Variants in PLEKHM3 observed in about 807,000 individuals in gnomAD.
PLEKHM3 encodes the protein pleckstrin homology domain containing M3.
PLEKHM3 carries 45 observed loss-of-function variants against 81.8 expected under a neutral mutation model. That is an observed-to-expected ratio of 0.55 (90% CI 0.43 to 0.71). The LOEUF (loss-of-function observed/expected upper bound fraction) is 0.71, where lower values mean the gene tolerates loss of function less well. Ranked by LOEUF, PLEKHM3 falls within the 30% of genes least tolerant of loss-of-function variation. The pLI is 0.00. For missense variants in PLEKHM3, 788 were observed against 924.3 expected, an observed-to-expected ratio of 0.85 and a Z score of 1.91; for synonymous variants, 352 against 356.4, an observed-to-expected ratio of 0.99 and a Z score of 0.14.
intron 7 of PLEKHM3, among the ~76,000 whole-genome samples, chr2:207,841,881 T>C (rs6744032): frequency 0.056 from 8,564 of 152,246 alleles, 574 homozygotes; most frequent in African/African-American, 0.16. Flanking sequence ...TTTGAGAAGT[T>C]AAATTCTATA....
intron 2 of PLEKHM3, among the ~76,000 whole-genome samples, chr2:207,999,372 T>C (rs916889816): frequency 2.0e-5 from 3 of 152,040 alleles, no homozygotes; most frequent in African/African-American, 7.2e-5. Flanking sequence ...CCCAGCTACT[T>C]GGGTGGCTGA....
At chr2:207,860,489 C>G (rs945022284) in intron 7 of PLEKHM3, among the ~76,000 whole-genome samples, 4 of 151,582 alleles carry the variant, frequency 2.6e-5, no homozygotes, top group African/African-American at 7.3e-5. Flanking sequence ...TTCTATTACG[C>G]TTTTGGGATG....
chr2:208,001,088 G>A lies in PLEKHM3; in HGVS notation c.552C>T (p.Thr184=). ...GTGAGGGCAACAGAAAAGATGGCCT[G>A]GTGACATGCGGGCCTTGAAGCAATG... ...QQPLLQGPHV[T]RPSFLLPSPN... Residue 184 remains threonine (T), a synonymous_variant, in exon 2 of 8, where the codon ACC becomes ACT. Coordinates refer to ENST00000427836, the MANE Select transcript of PLEKHM3 (RefSeq NM_001080475.3). 1.9e-6 allele frequency: 3 copies of A among 1,573,974 alleles called. No homozygotes were observed. The highest frequency in any genetic ancestry group is 1.1e-5 in the South Asian group (1 of 87,012).
At chr2:207,957,252 T>C (rs188442084) in intron 3 of PLEKHM3, among the ~76,000 whole-genome samples, 1 of 152,342 alleles carries the variant, frequency 6.6e-6, no homozygotes, top group East Asian at 1.9e-4. Context: ...ATCCCCCTTA[T>C]TGTAAAAATC....
In PLEKHM3 at chr2:207,930,954, C is replaced by G; in HGVS notation, c.1858G>C (p.Ala620Pro). The G allele has an allele frequency of 6.2e-7, 1 of 1,613,404 alleles. No homozygotes were observed. The highest frequency in any genetic ancestry group is 1.3e-5 in the African/African-American group (1 of 75,042). ...CGGCGGAGATCCTCTGCCACCGCTG[C>G]CCGGCAGCTGAACAAATAGGCTCGG... ...SLRAYLFSCR[A>P]AVAEDLRRRI... The change falls in exon 5 of 8, where the codon GCA (alanine) becomes CCA (proline). Residue 620 changes from alanine to proline, a missense_variant. Physicochemically the swap from Ala to Pro is conservative, Grantham distance 27. Transcript: ENST00000427836.
intron 7 of PLEKHM3, among the ~76,000 whole-genome samples, chr2:207,849,575 G>A (rs2092401716): frequency 6.6e-6 from 1 of 152,138 alleles, no homozygotes; most frequent in Non-Finnish European, 1.5e-5. Flanking sequence ...CAGAGCTGCC[G>A]ATGCCCTACT....
intron 6 of PLEKHM3, among the ~76,000 whole-genome samples, chr2:207,873,860 ATGAGAAAC>A (rs1428087454): frequency 3.9e-5 from 6 of 152,232 alleles, no homozygotes; most frequent in African/African-American, 1.4e-4. Context: ...CTGAGATTAA[ATGAGAAAC>A]TAAAGTGAGT....
At chr2:207,835,175 C>A (rs1172522027) in intron 7 of PLEKHM3, among the ~76,000 whole-genome samples, 1 of 151,740 alleles carries the variant, frequency 6.6e-6, no homozygotes, top group Non-Finnish European at 1.5e-5. Context: ...GAACTCCTGA[C>A]CTTGTGATCC....
At chr2:207,865,801 A>AAAAAAAAAAAAAAAAAATATATATAT in intron 6 of PLEKHM3, among the ~76,000 whole-genome samples, 1 of 25,290 alleles carries the variant, frequency 4.0e-5, no homozygotes, top group Non-Finnish European at 7.6e-5. Flanking sequence ...AAAAAAAAAA[A>AAAAAAAAAAAAAAAAAATATATATAT]AGATATATAT....
chr2:207,837,847 T>C (rs1206899247), intron 7 of PLEKHM3, among the ~76,000 whole-genome samples: 3 of 133,630 alleles, frequency 2.2e-5, no homozygotes, highest in Non-Finnish European at 4.6e-5. Flanking sequence ...CTCAGCTCAC[T>C]GCAACCTCCA....
chr2:207,862,499 G>A (rs1400726046), intron 6 of PLEKHM3, among the ~76,000 whole-genome samples: 3 of 152,034 alleles, frequency 2.0e-5, no homozygotes, highest in Non-Finnish European at 2.9e-5. Flanking sequence ...TTAGCCGGGC[G>A]TGGTGGCAGG....
At chr2:207,970,330 C>T (rs1326084149) in intron 3 of PLEKHM3, among the ~76,000 whole-genome samples, 5 of 151,548 alleles carry the variant, frequency 3.3e-5, no homozygotes, top group African/African-American at 1.2e-4. Context: ...TGCCCCCCCA[C>T]CCCCCACCCC....
intron 3 of PLEKHM3, among the ~76,000 whole-genome samples, chr2:207,966,576 G>A (rs189090545): frequency 9.9e-5 from 15 of 151,588 alleles, no homozygotes; most frequent in South Asian, 4.2e-4. Context: ...TTTTTGAGAC[G>A]GAGTCTCCCT....
chr2:207,860,244 T>G (rs1202532231), intron 7 of PLEKHM3, among the ~76,000 whole-genome samples: 1 of 151,860 alleles, frequency 6.6e-6, no homozygotes, highest in Admixed American at 6.6e-5. Context: ...TGTTTTTCTG[T>G]GTGTGGGCCA....
At chr2:207,869,857 C>G (rs2092523310) in intron 6 of PLEKHM3, 1 of 152,192 alleles carries the variant, frequency 6.6e-6, no homozygotes, top group Non-Finnish European at 1.5e-5. Context: ...GAACTTCCAG[C>G]TCAGGGATAC....
intron 4 of PLEKHM3, among the ~76,000 whole-genome samples, chr2:207,937,703 T>C (rs931649256): frequency 6.6e-6 from 1 of 152,088 alleles, no homozygotes; most frequent in African/African-American, 2.4e-5. Flanking sequence ...ATTTGGAGAA[T>C]AAAGATCAAC....
chr2:208,014,559 A>T (rs1296704170), intron 1 of PLEKHM3, among the ~76,000 whole-genome samples: 1 of 152,202 alleles, frequency 6.6e-6, no homozygotes, highest in Non-Finnish European at 1.5e-5. Context: ...CAGGAGAATC[A>T]CTTGAACTTG....
chr2:207,856,967 T>C (rs2092440411), intron 7 of PLEKHM3, among the ~76,000 whole-genome samples: 1 of 152,194 alleles, frequency 6.6e-6, no homozygotes, highest in Non-Finnish European at 1.5e-5. Flanking sequence ...TGGCCCAGAA[T>C]GTGGTCTCTT....
At chr2:207,871,137 G>A (rs2092532039) in intron 6 of PLEKHM3, among the ~76,000 whole-genome samples, 1 of 152,118 alleles carries the variant, frequency 6.6e-6, no homozygotes, top group African/African-American at 2.4e-5. Flanking sequence ...TATCACCAAA[G>A]TATATGGGAT....
Sources: allele counts gnomAD v4.1 joint callset (sites outside exome capture counted in the v4.1 genomes callset), GRCh38; gene constraint gnomAD v4.1.1; transcripts MANE v1.5; gene names NCBI Gene and HGNC (gene_info 2026-07-23, HGNC 2026-07-21).